The following KIRREL1 variants were observed in gnomAD, a reference collection of about 807,000 sequenced individuals.
KIRREL1 encodes kirre like nephrin family adhesion molecule 1.
KIRREL1 carries 25 observed loss-of-function variants against 83.3 expected under a neutral mutation model. That is an observed-to-expected ratio of 0.30 (90% CI 0.22 to 0.42). KIRREL1 has a LOEUF of 0.42. Ranked by LOEUF, KIRREL1 falls within the 10% of genes least tolerant of loss-of-function variation. The probability of loss-of-function intolerance (pLI) is 1.00; values close to 1 mark genes in which losing one functional copy is unlikely to be tolerated. For synonymous variants in KIRREL1, 388 were observed against 410.4 expected (o/e 0.95, Z 0.66); for missense variants, 812 against 1,032.3 (o/e 0.79, Z 2.92).
intron 1 of KIRREL1, among the ~76,000 whole-genome samples, chr1:158,058,943 G>C (rs961639513): frequency 3.3e-5 from 5 of 152,190 alleles, no homozygotes; most frequent in Admixed American, 2.0e-4. Context: ...GAGAGATGTG[G>C]AGGGCCTTGC....
rs1662416450 is a variant in KIRREL1, at chr1:158,098,697, G to C, written c.*3577G>C. 6.6e-6 allele frequency: 1 copy of C among 152,280 alleles called. No individual in the cohort carries two copies. The highest frequency in any genetic ancestry group is 2.4e-5 in the African/African-American group (1 of 41,452). 9.4% of individuals were successfully genotyped at this position (152,280 alleles called of 1,614,324 possible). On this transcript the variant is annotated 3_prime_UTR_variant, in exon 15 of 15. Transcript: ENST00000359209. ...TTGCATGAAGCAAAAAGCCTAGTAA[G>C]TGAGAAAGGAAAGGGGCCAGGGATG... is the stretch of plus-strand genomic sequence containing the variant.
At chr1:158,002,573 G>C (rs942694487) in intron 1 of KIRREL1, among the ~76,000 whole-genome samples, 3 of 152,236 alleles carry the variant, frequency 2.0e-5, no homozygotes, top group African/African-American at 7.2e-5. Flanking sequence ...GCTGGGCCTA[G>C]GCCTGGGAAT....
chr1:158,061,401 TG>T (rs2101605717), intron 1 of KIRREL1, among the ~76,000 whole-genome samples: 1 of 152,012 alleles, frequency 6.6e-6, no homozygotes, highest in East Asian at 1.9e-4. Context: ...CCCTATTCCT[TG>T]GGGGTGGGCA....
Position 158,095,271 on chromosome 1 carries a change from C to T in KIRREL1, c.*151C>T. 1 of 630,184 alleles carries T rather than the reference C, an allele frequency of 1.6e-6. No individual in the cohort carries two copies. Among genetic ancestry groups the T allele is most frequent in the Non-Finnish European group, 2.7e-6 (1 of 365,748 alleles). 39.0% of individuals were successfully genotyped at this position (630,184 alleles called of 1,614,324 possible). A position where few individuals can be genotyped will look rare whatever the true frequency, so the allele number is the denominator to read the frequency against. ...AGGTGGGGAGCAGGTCTCCCAGAAA[C>T]ACCCCGTCCCGAGGATGGTGCTCTG... On this transcript the variant is annotated 3_prime_UTR_variant, in exon 15 of 15. Transcript: ENST00000359209.
chr1:157,997,384 T>C (rs1299261794), intron 1 of KIRREL1, among the ~76,000 whole-genome samples: 1 of 152,194 alleles, frequency 6.6e-6, no homozygotes, highest in Non-Finnish European at 1.5e-5. Context: ...AAATGCTTGC[T>C]ATCTTGGCTT....
chr1:158,021,480 G>A (rs1334720549), intron 1 of KIRREL1, among the ~76,000 whole-genome samples: 1 of 152,134 alleles, frequency 6.6e-6, no homozygotes, highest in African/African-American at 2.4e-5. Context: ...CTTTGAACAG[G>A]TTGCTTAACC....
intron 1 of KIRREL1, among the ~76,000 whole-genome samples, chr1:158,066,286 T>A (rs866045231): frequency 6.6e-6 from 1 of 152,100 alleles, no homozygotes; most frequent in African/African-American, 2.4e-5. Context: ...CAGTCATCAT[T>A]CTAATTCAGT....
intron 1 of KIRREL1, among the ~76,000 whole-genome samples, chr1:158,013,177 TAGAG>T (rs1302095540): frequency 2.0e-5 from 3 of 152,134 alleles, no homozygotes; most frequent in African/African-American, 7.2e-5. Flanking sequence ...CCATAAAATT[TAGAG>T]AGAGAGGTTT....
chr1:158,010,794 G>T (rs1224397440), intron 1 of KIRREL1, among the ~76,000 whole-genome samples: 4 of 152,006 alleles, frequency 2.6e-5, no homozygotes, highest in Non-Finnish European at 5.9e-5. Context: ...AAGTTAACTG[G>T]TGTGTACTGG....
At chr1:158,032,740 C>A (rs1439762917) in intron 1 of KIRREL1, among the ~76,000 whole-genome samples, 1 of 152,062 alleles carries the variant, frequency 6.6e-6, no homozygotes, top group East Asian at 1.9e-4. Flanking sequence ...TCATTCCCAG[C>A]CTGTGATGGG....
At chr1:158,038,073 G>A (rs6687929) in intron 1 of KIRREL1, among the ~76,000 whole-genome samples, 7,017 of 152,254 alleles carry the variant, frequency 0.046, 485 homozygotes, top group African/African-American at 0.15. Context: ...CCTTCCTGGG[G>A]AGCTCGTCTC....
chr1:158,089,198 G>A (rs1461115779), intron 8 of KIRREL1, among the ~76,000 whole-genome samples: 2 of 152,148 alleles, frequency 1.3e-5, no homozygotes, highest in African/African-American at 4.8e-5. Context: ...ATGTCATTTG[G>A]CAATGAAAAC....
chr1:158,064,469 A>C (rs1213106447), intron 1 of KIRREL1, among the ~76,000 whole-genome samples: 1 of 152,218 alleles, frequency 6.6e-6, no homozygotes, highest in African/African-American at 2.4e-5. Context: ...AGTAAGAAGA[A>C]AATTTATGGT....
intron 1 of KIRREL1, among the ~76,000 whole-genome samples, chr1:158,042,924 A>T (rs1225893431): frequency 6.7e-6 from 1 of 150,320 alleles, no homozygotes; most frequent in African/African-American, 2.4e-5. Context: ...AAAAAAAAAA[A>T]AAAATACAAA....
At position 158,095,049 on chromosome 1, in the gene KIRREL1, C is replaced by G. The variant is rs1372759179; in HGVS notation, c.2203C>G (p.Arg735Gly). The G allele has an allele frequency of 6.2e-7, 1 of 1,613,664 alleles. No individual in the cohort carries two copies. Among genetic ancestry groups the G allele is most frequent in the Non-Finnish European group, 8.5e-7 (1 of 1,179,726 alleles). Residue 735 changes from arginine (R) to glycine (G), a missense_variant, in exon 15 of 15, where the codon CGA (arginine) becomes GGA (glycine). By Grantham distance (125) the Arg-to-Gly change is moderately radical. This residue lies in a region of KIRREL1 where 334 missense variants were observed against 383.7 expected (regional missense o/e 0.87). Coordinates refer to ENST00000359209, the MANE Select transcript of KIRREL1 (RefSeq NM_018240.7). The part of the protein sequence containing the change: ...DPIGKYATAT[R>G]FSYTSQHSDY... ...CATTGGCAAGTACGCCACAGCCACT[C>G]GATTCTCCTACACCTCCCAGCACTC...
intron 5 of KIRREL1, 60 bp from the exon 6 acceptor site, chr1:158,087,695 G>T: frequency 8.1e-7 from 1 of 1,233,264 alleles, no homozygotes; most frequent in Non-Finnish European, 1.2e-6. Flanking sequence ...ACGTGTTAGG[G>T]AGGGAAAAAG....
At chr1:158,077,317 T>A (rs940948350) in intron 2 of KIRREL1, among the ~76,000 whole-genome samples, 1 of 151,958 alleles carries the variant, frequency 6.6e-6, no homozygotes, top group Non-Finnish European at 1.5e-5. Flanking sequence ...GTGAGATCAA[T>A]AGATATGGAG....
intron 1 of KIRREL1, among the ~76,000 whole-genome samples, chr1:158,039,442 A>C (rs1014559022): frequency 6.6e-6 from 1 of 152,194 alleles, no homozygotes; most frequent in Admixed American, 6.5e-5. Flanking sequence ...AGAGAAAACA[A>C]TTAGTGGTAT....
At chr1:158,014,176 A>G (rs1268574074) in intron 1 of KIRREL1, among the ~76,000 whole-genome samples, 1 of 151,592 alleles carries the variant, frequency 6.6e-6, no homozygotes, top group East Asian at 1.9e-4. Flanking sequence ...GGTAAAGGGA[A>G]GGGGGAGATG....
Sources: allele counts gnomAD v4.1 joint callset (sites outside exome capture counted in the v4.1 genomes callset), GRCh38; gene constraint gnomAD v4.1.1; regional missense constraint gnomAD v4.1.1; transcripts MANE v1.5; gene names NCBI Gene and HGNC (gene_info 2026-07-23, HGNC 2026-07-21).